CACNB2: variants seen among roughly 807,000 people sequenced by gnomAD.
CACNB2 encodes voltage-dependent L-type calcium channel subunit beta-2.
Under a neutral mutation model 73.3 loss-of-function variants are expected in CACNB2, and 42 were observed. The observed-to-expected ratio is 0.57, with a 90% CI of 0.45 to 0.74. CACNB2 has a LOEUF of 0.74. CACNB2 is among the 30% of genes least tolerant of loss of function. The pLI is 0.00. For synonymous variants in CACNB2, 348 were observed against 310.3 expected (o/e 1.12, Z -1.28); for missense variants, 940 against 853.0 (o/e 1.10, Z -1.27).
chr10:18,448,479 TAAAAA>T lies in CACNB2; in HGVS notation c.333+46454_333+46458del, dbSNP rs56255761. Among the ~76,000 whole-genome samples the T allele has an allele frequency of 6.4e-3, 681 of 107,074 alleles. 6 individuals carry two copies. The highest frequency in any genetic ancestry group is 0.022 in the African/African-American group (613 of 28,490). The allele number at this position is 107,074 out of a possible 152,430, so 70.2% of individuals were successfully genotyped here. Reference sequence around the variant, plus strand: ...GACAAGAGCAAAACTCTCTCTCATTTAAAAAAAAAAAAAAAAAAAAAAGAAAAGAA... The same window carrying T: ...GACAAGAGCAAAACTCTCTCTCATTTAAAAAAAAAAAAAAAAAGAAAAGAA... On this transcript the variant is annotated intron_variant, in intron 3 of 13. Transcript: ENST00000324631.
intron 2 of CACNB2, among the ~76,000 whole-genome samples, chr10:18,253,885 T>C (rs1033563771): frequency 2.0e-5 from 3 of 152,240 alleles, no homozygotes; most frequent in Non-Finnish European, 4.4e-5. Flanking sequence ...GGTTTTTGTT[T>C]CCTGGCTCTT....
At chr10:18,495,192 A>G (rs1430287552) in intron 3 of CACNB2, among the ~76,000 whole-genome samples, 3 of 151,948 alleles carry the variant, frequency 2.0e-5, no homozygotes, top group East Asian at 1.9e-4. Context: ...GTATCAAAGA[A>G]GGGTGAATGG....
chr10:18,150,289 G>A (rs1030638690), intron 1 of CACNB2, among the ~76,000 whole-genome samples: 2 of 152,116 alleles, frequency 1.3e-5, no homozygotes, highest in Non-Finnish European at 2.9e-5. Context: ...ATCATTACAG[G>A]CTTTTGCCTC....
chr10:18,348,135 C>A (rs373647524), intron 2 of CACNB2, among the ~76,000 whole-genome samples: 1 of 152,100 alleles, frequency 6.6e-6, no homozygotes, highest in African/African-American at 2.4e-5. Context: ...CCTCTGTTGA[C>A]GAAATTGCCA....
intron 2 of CACNB2, among the ~76,000 whole-genome samples, chr10:18,259,060 A>G (rs2037410689): frequency 6.6e-6 from 1 of 152,224 alleles, no homozygotes; most frequent in Non-Finnish European, 1.5e-5. Flanking sequence ...TAACTAGTAT[A>G]TGATAGGACC....
At chr10:18,472,531 C>A (rs1211345107) in intron 3 of CACNB2, among the ~76,000 whole-genome samples, 1 of 152,208 alleles carries the variant, frequency 6.6e-6, no homozygotes, top group African/African-American at 2.4e-5. Context: ...GCCACTGTGC[C>A]TGGCCCCCAG....
In CACNB2 at chr10:18,429,418, G is replaced by A. The variant is rs182728015; in HGVS notation, c.333+27375G>A. On this transcript the variant is annotated intron_variant, in intron 3 of 13. Coordinates refer to ENST00000324631, the MANE Select transcript of CACNB2 (RefSeq NM_201596.3). ...GATTCATTGTGCCTCCTGAATATGAGGATTTGAGAATTTTGTCAACCCTGG... is the reference window on the plus strand; with the variant it reads ...GATTCATTGTGCCTCCTGAATATGAAGATTTGAGAATTTTGTCAACCCTGG... 6.4e-4 allele frequency among the ~76,000 whole-genome samples: 98 copies of A among 152,188 alleles called. 1 individual carries two copies. The Middle Eastern group carries it at 0.014, about 21-fold the overall frequency.
At chr10:18,465,512 C>T (rs868818394) in intron 3 of CACNB2, among the ~76,000 whole-genome samples, 2 of 152,078 alleles carry the variant, frequency 1.3e-5, no homozygotes, top group East Asian at 3.9e-4. Flanking sequence ...GGAGCACCCT[C>T]GTTCCACCTT....
intron 2 of CACNB2, among the ~76,000 whole-genome samples, chr10:18,283,703 A>C (rs2038659969): frequency 6.6e-6 from 1 of 151,704 alleles, no homozygotes; most frequent in Admixed American, 6.6e-5. Context: ...TGGCATTAGG[A>C]GATATACCTA....
In CACNB2 at chr10:18,209,133, T is replaced by C. The variant is rs141636216; in HGVS notation, c.213+58158T>C. On this transcript the variant is annotated intron_variant, in intron 2 of 13. Coordinates refer to ENST00000324631, the MANE Select transcript of CACNB2 (RefSeq NM_201596.3). ...GGGCTTGACTGCATGTGAAACATAA[T>C]GTAAATGTTATGTCTTATTAATGCA... 4.9e-4 allele frequency among the ~76,000 whole-genome samples: 75 copies of C among 152,330 alleles called. 2 individuals carry two copies. In the East Asian group the frequency reaches 0.01, roughly 21 times the overall value.
intron 3 of CACNB2, among the ~76,000 whole-genome samples, chr10:18,469,733 T>C (rs1160819754): frequency 6.6e-6 from 1 of 152,200 alleles, no homozygotes; most frequent in Non-Finnish European, 1.5e-5. Context: ...AACAGTGTTT[T>C]CATGGTTTGG....
chr10:18,227,206 A>G (rs1175392937), intron 2 of CACNB2, among the ~76,000 whole-genome samples: 4 of 152,142 alleles, frequency 2.6e-5, no homozygotes, highest in Non-Finnish European at 5.9e-5. Flanking sequence ...AGTGCATCAG[A>G]TCAAAGCAAA....
At chr10:18,411,032 G>A (rs539258715) in intron 3 of CACNB2, among the ~76,000 whole-genome samples, 6 of 151,986 alleles carry the variant, frequency 3.9e-5, no homozygotes, top group African/African-American at 7.2e-5. Flanking sequence ...TATGAAAAAC[G>A]CAAGCACAAA....
At chr10:18,195,431 G>A (rs972965705) in intron 2 of CACNB2, among the ~76,000 whole-genome samples, 63 of 152,294 alleles carry the variant, frequency 4.1e-4, no homozygotes, top group African/African-American at 1.5e-3. Flanking sequence ...GGTATCAAGT[G>A]GGACCAATCA....
chr10:18,201,930 C>T lies in CACNB2; in HGVS notation c.213+50955C>T, dbSNP rs183509313. Among the ~76,000 whole-genome samples the T allele has an allele frequency of 2.5e-3, 383 of 152,322 alleles. 1 individual carries two copies. Among genetic ancestry groups the T allele is most frequent in the African/African-American group, 8.5e-3 (354 of 41,572 alleles). On this transcript the variant is annotated intron_variant, in intron 2 of 13. Coordinates refer to ENST00000324631, the MANE Select transcript of CACNB2 (RefSeq NM_201596.3). ...AGGTGGAATTTCAGTGATCCCTGTT[C>T]TCTACCTTCTCATCTGCTTTAATTC...
chr10:18,520,714 C>T (rs370099506), intron 9 of CACNB2, among the ~76,000 whole-genome samples: 1 of 152,176 alleles, frequency 6.6e-6, no homozygotes, highest in Non-Finnish European at 1.5e-5. Context: ...CTCACCCTGC[C>T]GTACTTACTC....
At chr10:18,467,086 G>A (rs1227612579) in intron 3 of CACNB2, among the ~76,000 whole-genome samples, 5 of 152,064 alleles carry the variant, frequency 3.3e-5, no homozygotes, top group South Asian at 2.1e-4. Flanking sequence ...CTCAGGAGGC[G>A]GAAGTTGCAG....
chr10:18,350,273 T>A (rs555035366), intron 2 of CACNB2, among the ~76,000 whole-genome samples: 14 of 152,046 alleles, frequency 9.2e-5, no homozygotes, highest in South Asian at 6.2e-4. Context: ...ATAATAAAAA[T>A]AATAATAATA....
intron 9 of CACNB2, among the ~76,000 whole-genome samples, chr10:18,521,382 A>C (rs946420795): frequency 6.6e-6 from 1 of 152,212 alleles, no homozygotes; most frequent in African/African-American, 2.4e-5. Flanking sequence ...GCTTTGAGGT[A>C]TGACACAGCA....
Sources: allele counts gnomAD v4.1 joint callset (sites outside exome capture counted in the v4.1 genomes callset), GRCh38; gene constraint gnomAD v4.1.1; transcripts MANE v1.5; gene names NCBI Gene and HGNC (gene_info 2026-07-23, HGNC 2026-07-21).